The following LANCL2 variants were observed in gnomAD, a reference collection of about 807,000 sequenced individuals.
LANCL2 encodes the protein lanC-like protein 2.
LANCL2 carries 33 observed loss-of-function variants against 56.9 expected under a neutral mutation model. The ratio of observed to expected loss-of-function variants is 0.58; its 90% CI spans 0.44 to 0.78. The LOEUF (loss-of-function observed/expected upper bound fraction) is 0.78, where lower values mean the gene tolerates loss of function less well. Ranked by LOEUF, LANCL2 falls within the 30% of genes least tolerant of loss-of-function variation. The pLI is 0.00. For synonymous variants in LANCL2, 233 were observed against 228.2 expected, an observed-to-expected ratio of 1.02 and a Z score of -0.19; for missense variants, 562 against 580.2, an observed-to-expected ratio of 0.97 and a Z score of 0.32.
chr7:55,399,819 A>G, intron 3 of LANCL2, 138 bp from the exon 4 acceptor site: 16 of 606,364 alleles, frequency 2.6e-5, no homozygotes, highest in Non-Finnish European at 2.1e-5. Flanking sequence ...TGTGTTCTGG[A>G]TTTGGGAGTA....
intron 3 of LANCL2, among the ~76,000 whole-genome samples, chr7:55,399,127 G>T (rs933534525): frequency 6.6e-6 from 1 of 152,084 alleles, no homozygotes; most frequent in Admixed American, 6.5e-5. Context: ...ATAGGATGAC[G>T]CTGGGTATAG....
Position 55,393,531 on chromosome 7 carries a change from C to A in LANCL2, c.322+1621C>A, listed in dbSNP as rs922338944. On this transcript the variant is annotated intron_variant, in intron 2 of 8. Transcript: ENST00000254770. The stretch of plus-strand genomic sequence containing the variant: ...GGGCAACAGGAGTGAGACCCTGTCT[C>A]AAAAAGAAAAAAACAAGCAAACCAA... 4.8e-5 allele frequency among the ~76,000 whole-genome samples: 7 copies of A among 146,788 alleles called. No individual in the cohort carries two copies. In the East Asian group the frequency reaches 1.4e-3, roughly 29 times the overall value.
intron 1 of LANCL2, among the ~76,000 whole-genome samples, chr7:55,383,692 C>T (rs1423036970): frequency 6.6e-6 from 1 of 152,164 alleles, no homozygotes; most frequent in Non-Finnish European, 1.5e-5. Context: ...CTGAATAACT[C>T]CTATAATAGG....
chr7:55,374,317 A>G (rs530509865), intron 1 of LANCL2, among the ~76,000 whole-genome samples: 1 of 152,332 alleles, frequency 6.6e-6, no homozygotes, highest in South Asian at 2.1e-4. Flanking sequence ...TGTAATCTAG[A>G]ATATTTTCTG....
intron 1 of LANCL2, among the ~76,000 whole-genome samples, chr7:55,366,868 C>T (rs1249538612): frequency 6.6e-6 from 1 of 152,156 alleles, no homozygotes; most frequent in Non-Finnish European, 1.5e-5. Flanking sequence ...TAGGCAGAAC[C>T]AAGAGCGGCA....
intron 4 of LANCL2, among the ~76,000 whole-genome samples, chr7:55,400,445 C>T (rs890785434): frequency 6.6e-6 from 1 of 152,172 alleles, no homozygotes; most frequent in Non-Finnish European, 1.5e-5. Flanking sequence ...TCTGCCTTAT[C>T]CTAGGGGCAT....
rs869116156 is a variant in LANCL2, at chr7:55,416,969, G to GTTTTTTT, written c.1008+4901_1008+4907dup. ...ATTACATGAGGTAACAAACGAGGTGGTTTTTTTTTTTTTTTTTTTTTTTTT... is the reference window on the plus strand; with the variant it reads ...ATTACATGAGGTAACAAACGAGGTGGTTTTTTTTTTTTTTTTTTTTTTTTTTTTTTTT... On this transcript the variant is annotated intron_variant, in intron 6 of 8. Transcript: ENST00000254770. Among the ~76,000 whole-genome samples, 2 of 81,648 alleles carry GTTTTTTT rather than the reference G, an allele frequency of 2.4e-5. 1 individual carries two copies. Among genetic ancestry groups the GTTTTTTT allele is most frequent in the Non-Finnish European group, 4.7e-5 (2 of 42,112 alleles). The allele number at this position is 81,648 out of a possible 152,430, so 53.6% of individuals were successfully genotyped here.
chr7:55,398,393 C>G (rs1244976601), intron 2 of LANCL2, 30 bp from the exon 3 acceptor site: 3 of 1,502,228 alleles, frequency 2.0e-6, no homozygotes, highest in Non-Finnish European at 9.3e-7. Context: ...GATAATAATG[C>G]TTTTCTTTTG....
chr7:55,366,707 G>A (rs1368862366), intron 1 of LANCL2, among the ~76,000 whole-genome samples: 2 of 152,226 alleles, frequency 1.3e-5, no homozygotes, highest in Admixed American at 1.3e-4. Flanking sequence ...GGGTGTAAGG[G>A]GAGGCCAAAC....
chr7:55,396,329 G>C (rs1296018151), intron 2 of LANCL2, among the ~76,000 whole-genome samples: 2 of 152,090 alleles, frequency 1.3e-5, no homozygotes, highest in African/African-American at 4.8e-5. Flanking sequence ...AATTCCATCA[G>C]AGCCTTCAGT....
In LANCL2 at chr7:55,383,172, C is replaced by T. The variant is rs141294570; in HGVS notation, c.205-8621C>T. ...AGGAACACCAGGGTCCTTTGTCTCA[C>T]GCTGATATAGATAACATGACACAGA... On this transcript the variant is annotated intron_variant, in intron 1 of 8. Coordinates refer to ENST00000254770, the MANE Select transcript of LANCL2 (RefSeq NM_018697.4). Among the ~76,000 whole-genome samples the T allele has an allele frequency of 4.6e-3, 698 of 152,222 alleles. 4 individuals are homozygous for T. Among genetic ancestry groups the T allele is most frequent in the Middle Eastern group, 0.02 (6 of 294 alleles).
chr7:55,397,656 CT>C (rs10659615), intron 2 of LANCL2, among the ~76,000 whole-genome samples: 7,016 of 108,730 alleles, frequency 0.065, 555 homozygotes, highest in African/African-American at 0.22. Flanking sequence ...TATACTGATT[CT>C]TTTTTTTTTT....
intron 6 of LANCL2, among the ~76,000 whole-genome samples, chr7:55,414,452 C>T (rs1213015056): frequency 2.0e-5 from 3 of 152,100 alleles, no homozygotes; most frequent in African/African-American, 7.2e-5. Context: ...CATATGAAGT[C>T]CTAAGTTGTT....
At chr7:55,422,792 T>C (rs748279229) in intron 6 of LANCL2, among the ~76,000 whole-genome samples, 13 of 152,262 alleles carry the variant, frequency 8.5e-5, no homozygotes, top group Non-Finnish European at 1.8e-4. Flanking sequence ...CTTTCTCTTC[T>C]GAGGGTTCAC....
chr7:55,429,621 C>G (rs1790706066), intron 8 of LANCL2, among the ~76,000 whole-genome samples: 1 of 152,204 alleles, frequency 6.6e-6, no homozygotes, highest in Admixed American at 6.5e-5. Flanking sequence ...TTTTAATATT[C>G]AGAGAACTCA....
intron 1 of LANCL2, among the ~76,000 whole-genome samples, chr7:55,381,721 G>A (rs7456283): frequency 0.3 from 45,707 of 152,154 alleles, 7,307 homozygotes; most frequent in Non-Finnish European, 0.35. Context: ...GTGTTTTAAT[G>A]TGTGTATTTC....
At chr7:55,366,618 C>T (rs1016694204) in intron 1 of LANCL2, among the ~76,000 whole-genome samples, 1 of 152,182 alleles carries the variant, frequency 6.6e-6, no homozygotes, top group African/African-American at 2.4e-5. Flanking sequence ...GCTGGATTTC[C>T]TTGGCCATAT....
At chr7:55,378,008 CAG>C (rs1277490693) in intron 1 of LANCL2, among the ~76,000 whole-genome samples, 2 of 152,178 alleles carry the variant, frequency 1.3e-5, no homozygotes, top group Admixed American at 1.3e-4. Flanking sequence ...ACAGTCTAGT[CAG>C]AGTTTCAAGA....
chr7:55,376,694 A>G (rs958299819), intron 1 of LANCL2, among the ~76,000 whole-genome samples: 1 of 152,162 alleles, frequency 6.6e-6, no homozygotes, highest in African/African-American at 2.4e-5. Flanking sequence ...ACATACATTT[A>G]TATATTTTCT....
Sources: gnomAD v4.1 joint callset for allele counts (sites outside exome capture counted in the v4.1 genomes callset) on GRCh38, gnomAD v4.1.1 for gene constraint, MANE v1.5 for transcripts, NCBI Gene and HGNC (gene_info 2026-07-23, HGNC 2026-07-21) for gene names.